ATP8A2: variants seen among roughly 807,000 people sequenced by gnomAD.
The protein encoded by ATP8A2 is ATPase phospholipid transporting 8A2.
ATP8A2 carries 100 observed loss-of-function variants against 165.6 expected under a neutral mutation model. The observed-to-expected ratio is 0.60, with a 90% confidence interval of 0.51 to 0.71. ATP8A2 has a LOEUF of 0.71. ATP8A2 is among the 30% of genes least tolerant of loss of function. ATP8A2 has a pLI of 0.00. For synonymous variants in ATP8A2, 543 were observed against 548.8 expected (o/e 0.99, Z 0.15); for missense variants, 1,227 against 1,479.5 (o/e 0.83, Z 2.80).
Position 25,402,122 on chromosome 13 carries a change from CT to C in ATP8A2, c.76+29835del, listed in dbSNP as rs370181178. ...ACTCCTAAGTGACTAAATGGGCTGGCTGGGAGCATCCTTATCGTGAATTCGC... is the reference window on the plus strand; with the variant it reads ...ACTCCTAAGTGACTAAATGGGCTGGCGGGAGCATCCTTATCGTGAATTCGC... On this transcript the variant is annotated intron_variant, in intron 1 of 36. Transcript: ENST00000381655. 1.7e-3 allele frequency among the ~76,000 whole-genome samples: 263 copies of C among 152,178 alleles called. 1 individual carries two copies. The highest frequency in any genetic ancestry group is 6.0e-3 in the African/African-American group (251 of 41,512).
Position 25,393,385 on chromosome 13 carries a change from G to A in ATP8A2, c.76+21097G>A, listed in dbSNP as rs547261621. On this transcript the variant is annotated intron_variant, in intron 1 of 36. Transcript: ENST00000381655. ...GGCTAAGTACTGGGATTACCAGTGT[G>A]AGCCACCTCACCCAACCTATTTACA... Among the ~76,000 whole-genome samples, 15 of 151,902 alleles carry A rather than the reference G, an allele frequency of 9.9e-5. No individual in the cohort carries two copies. In the South Asian group the frequency reaches 2.9e-3, roughly 30 times the overall value.
intron 24 of ATP8A2, among the ~76,000 whole-genome samples, chr13:25,618,677 G>C (rs1197886721): frequency 7.3e-6 from 1 of 136,184 alleles, no homozygotes; most frequent in Non-Finnish European, 1.6e-5. Context: ...AGTTCTGATA[G>C]TTAGACTTTT....
intron 33 of ATP8A2, among the ~76,000 whole-genome samples, chr13:25,916,332 C>A (rs942759402): frequency 1.3e-5 from 2 of 152,320 alleles, no homozygotes; most frequent in Non-Finnish European, 1.5e-5. Flanking sequence ...GGGTCTGAGC[C>A]AGAGAACTGT....
intron 1 of ATP8A2, among the ~76,000 whole-genome samples, chr13:25,413,811 C>T (rs1398957749): frequency 6.6e-6 from 1 of 152,154 alleles, no homozygotes; most frequent in Non-Finnish European, 1.5e-5. Context: ...GTCATCATTT[C>T]AGGAGGGCTC....
chr13:25,613,357 C>T (rs67340402), intron 24 of ATP8A2, among the ~76,000 whole-genome samples: 18,383 of 152,054 alleles, frequency 0.12, 1,425 homozygotes, highest in Non-Finnish European at 0.18. Flanking sequence ...CCAAGGCAGG[C>T]GGGGTCAAGA....
At chr13:25,948,266 C>T (rs530260471) in intron 33 of ATP8A2, among the ~76,000 whole-genome samples, 1 of 152,084 alleles carries the variant, frequency 6.6e-6, no homozygotes, top group South Asian at 2.1e-4. Context: ...GGAATCATCA[C>T]ACATCATCGC....
At chr13:25,517,329 G>A (rs146675946) in intron 2 of ATP8A2, 3 of 152,176 alleles carry the variant, frequency 2.0e-5, no homozygotes, top group African/African-American at 4.8e-5. Context: ...TCTTGCATTT[G>A]GAATTGGTTA....
In ATP8A2 at chr13:25,961,612, G is replaced by T. The variant is rs762788445; in HGVS notation, c.3221G>T (p.Gly1074Val). 1 of 1,614,102 alleles carries T rather than the reference G, an allele frequency of 6.2e-7. No individual in the cohort carries two copies. Among genetic ancestry groups the T allele is most frequent in the South Asian group, 1.1e-5 (1 of 91,074 alleles). ...CTGAGCTCCGCACACTTCTGGTTGG[G>T]ATTATTTCTGGTTCCTACTGCCTGT... ...MVLSSAHFWLGLFLVPTACLI... is the reference protein window; with the variant it reads ...MVLSSAHFWLVLFLVPTACLI... The change falls in exon 34 of 37, where the codon GGA becomes GTA. Residue 1074 changes from glycine to valine, a missense_variant. Gly to Val is a moderately radical substitution (Grantham distance 109). Transcript: ENST00000381655.
At chr13:25,410,253 G>T (rs2033929851) in intron 1 of ATP8A2, among the ~76,000 whole-genome samples, 1 of 151,912 alleles carries the variant, frequency 6.6e-6, no homozygotes, top group Non-Finnish European at 1.5e-5. Flanking sequence ...TCCAGTTTCT[G>T]ATTATTGAAT....
intron 24 of ATP8A2, among the ~76,000 whole-genome samples, chr13:25,672,627 A>G (rs1021625843): frequency 6.6e-6 from 1 of 152,162 alleles, no homozygotes; most frequent in East Asian, 1.9e-4. Flanking sequence ...TATTTTCTTC[A>G]TTCTCTAAAT....
chr13:25,538,159 T>C (rs1355074496), intron 7 of ATP8A2, 98 bp downstream of exon 7: 20 of 737,110 alleles, frequency 2.7e-5, no homozygotes, highest in Non-Finnish European at 4.6e-5. Flanking sequence ...TGTTCCCTTC[T>C]ACCATCCTCT....
At chr13:25,820,762 G>A (rs1485339910) in intron 27 of ATP8A2, among the ~76,000 whole-genome samples, 1 of 152,126 alleles carries the variant, frequency 6.6e-6, no homozygotes, top group African/African-American at 2.4e-5. Flanking sequence ...TAAAATAAAA[G>A]CTAAGTACGT....
chr13:25,822,482 AAAACAGTTAT>A (rs1951209091), intron 27 of ATP8A2, among the ~76,000 whole-genome samples: 1 of 152,202 alleles, frequency 6.6e-6, no homozygotes, highest in Non-Finnish European at 1.5e-5. Context: ...TCTGATAAGA[AAAACAGTTAT>A]ATCCATTTGT....
intron 35 of ATP8A2, among the ~76,000 whole-genome samples, chr13:25,969,482 C>G (rs564488524): frequency 6.0e-4 from 91 of 152,276 alleles, no homozygotes; most frequent in South Asian, 1.2e-3. Flanking sequence ...AAATCAGTAA[C>G]CAACTGCTAA....
At chr13:25,661,014 G>C (rs562343862) in intron 24 of ATP8A2, among the ~76,000 whole-genome samples, 1 of 152,256 alleles carries the variant, frequency 6.6e-6, no homozygotes, top group South Asian at 2.1e-4. Context: ...AGATATAGGG[G>C]ATTCTTCATT....
chr13:26,009,948 C>T (rs1956809106), intron 35 of ATP8A2, among the ~76,000 whole-genome samples: 1 of 152,152 alleles, frequency 6.6e-6, no homozygotes, highest in Admixed American at 6.5e-5. Flanking sequence ...TGCCTGTAAT[C>T]CCAGCTACTC....
intron 35 of ATP8A2, among the ~76,000 whole-genome samples, chr13:25,986,291 G>A (rs1199815217): frequency 2.6e-5 from 4 of 152,154 alleles, no homozygotes; most frequent in Admixed American, 2.0e-4. Flanking sequence ...TAATCATCAT[G>A]CTATACATTA....
chr13:25,372,138 G>T lies in ATP8A2; in HGVS notation c.-75G>T, dbSNP rs1024723559. The T allele has an allele frequency of 2.8e-6, 3 of 1,069,400 alleles. No individual in the cohort carries two copies. Among genetic ancestry groups the T allele is most frequent in the Non-Finnish European group, 2.4e-6 (2 of 826,220 alleles). The allele number at this position is 1,069,400 out of a possible 1,614,324, so 66.2% of individuals were successfully genotyped here. A position where few individuals can be genotyped will look rare whatever the true frequency, so the allele number is the denominator to read the frequency against. The stretch of plus-strand genomic sequence containing the variant: ...GCTGGCCCACCCATGGTCCTCGGGC[G>T]GCGGCCCCTGCGCCCAGCCCTGCGC... On this transcript the variant is annotated 5_prime_UTR_variant, in exon 1 of 37. Transcript: ENST00000381655. This position sits in a 1 kb window ranked among gnomAD's most constrained non-coding sequence, Gnocchi z 4.8.
chr13:25,458,534 C>T (rs562668313), intron 1 of ATP8A2, among the ~76,000 whole-genome samples: 4 of 152,280 alleles, frequency 2.6e-5, no homozygotes, highest in African/African-American at 4.8e-5. Context: ...TGTGTTAGGG[C>T]GCACCTGCAA....
Sources: allele counts gnomAD v4.1 joint callset (sites outside exome capture counted in the v4.1 genomes callset), GRCh38; gene constraint gnomAD v4.1.1; non-coding constraint Gnocchi (gnomAD v3.1); transcripts MANE v1.5; gene names NCBI Gene and HGNC (gene_info 2026-07-23, HGNC 2026-07-21).